MRTFB: variants seen among roughly 807,000 people sequenced by gnomAD.
The protein encoded by MRTFB is myocardin related transcription factor B.
Under a neutral mutation model 104.2 loss-of-function variants are expected in MRTFB, and 29 were observed. The observed-to-expected ratio is 0.28, with a 90% CI of 0.21 to 0.38. The LOEUF is 0.38. Ranked by LOEUF, MRTFB falls within the 10% of genes least tolerant of loss-of-function variation. The probability of loss-of-function intolerance (pLI) is 1.00; values close to 1 mark genes in which losing one functional copy is unlikely to be tolerated. For synonymous variants in MRTFB, 535 were observed against 519.5 expected (o/e 1.03, Z -0.41); for missense variants, 1,270 against 1,341.6 (o/e 0.95, Z 0.83).
chr16:13,995,698 A>G, the MRTFB span, among the ~76,000 whole-genome samples: 1 of 152,168 alleles, frequency 6.6e-6, no homozygotes. Context: ...TTACAATCAC[A>G]GCAGAAGGTG....
intron 5 of MRTFB, 127 bp downstream of exon 5, chr16:14,212,536 A>T (rs2041237828): frequency 2.5e-6 from 2 of 789,130 alleles, no homozygotes; most frequent in Non-Finnish European, 4.1e-6. Flanking sequence ...TATTTTCAGG[A>T]TACATGGCAT....
chr16:14,014,821 A>G, the MRTFB span, among the ~76,000 whole-genome samples: 1 of 152,194 alleles, frequency 6.6e-6, no homozygotes, highest in South Asian at 2.1e-4. Flanking sequence ...GTGAGCTGAG[A>G]TCGTGCCACT....
intron 3 of MRTFB, among the ~76,000 whole-genome samples, chr16:14,178,650 G>A (rs1321766236): frequency 6.6e-6 from 1 of 152,184 alleles, no homozygotes; most frequent in Non-Finnish European, 1.5e-5. Context: ...TGGTGGACTA[G>A]TGTTTCACAA....
chr16:14,069,943 A>T (rs774210616), upstream of MRTFB, among the ~76,000 whole-genome samples: 1 of 152,192 alleles, frequency 6.6e-6, no homozygotes, highest in Non-Finnish European at 1.5e-5. Flanking sequence ...CACTTCCTCC[A>T]TCTGGTGAGT....
Position 14,202,260 on chromosome 16 carries a change from G to A in MRTFB, c.155-7983G>A, listed in dbSNP as rs542769872. ...GGACAATTCACAAGACATCTTCTCC[G>A]AGCCATAGAAATCTAACAGTGGTTA... On this transcript the variant is annotated intron_variant, in intron 3 of 16. Transcript: ENST00000571589. Among the ~76,000 whole-genome samples the A allele has an allele frequency of 3.9e-5, 6 of 152,164 alleles. No homozygotes were observed. The East Asian group carries it at 9.6e-4, about 24-fold the overall frequency.
At chr16:14,065,090 G>A in the MRTFB span, among the ~76,000 whole-genome samples, 1 of 152,142 alleles carries the variant, frequency 6.6e-6, no homozygotes, top group African/African-American at 2.4e-5. Flanking sequence ...CTGTCCATGA[G>A]CGTGGAATGT....
chr16:14,260,669 C>T (rs180802968), intron 16 of MRTFB, among the ~76,000 whole-genome samples: 76 of 152,244 alleles, frequency 5.0e-4, no homozygotes, highest in Admixed American at 2.0e-3. Context: ...AGTCTGCTGA[C>T]TAAATTTACA....
At chr16:14,130,539 A>G (rs367651458) in intron 2 of MRTFB, among the ~76,000 whole-genome samples, 1 of 152,226 alleles carries the variant, frequency 6.6e-6, no homozygotes, top group South Asian at 2.1e-4. Flanking sequence ...TATGTGAGTT[A>G]TAGCCCAGAC....
the MRTFB span, among the ~76,000 whole-genome samples, chr16:13,999,594 G>A: frequency 6.6e-6 from 1 of 152,174 alleles, no homozygotes; most frequent in East Asian, 1.9e-4. Context: ...AACCACTGCA[G>A]GCATTTGTGA....
chr16:14,187,207 C>G (rs1210597286), intron 3 of MRTFB, among the ~76,000 whole-genome samples: 1 of 152,170 alleles, frequency 6.6e-6, no homozygotes, highest in Non-Finnish European at 1.5e-5. Flanking sequence ...GTAGCTGTTA[C>G]TAAAGATTCA....
At chr16:14,105,578 T>A (rs374305441) in intron 2 of MRTFB, among the ~76,000 whole-genome samples, 93 of 152,184 alleles carry the variant, frequency 6.1e-4, no homozygotes, top group African/African-American at 2.0e-3. Context: ...TTAAAATTTT[T>A]TGTAAAGATA....
chr16:14,184,222 ATTT>A (rs561797213), intron 3 of MRTFB, among the ~76,000 whole-genome samples: 22 of 134,948 alleles, frequency 1.6e-4, no homozygotes, highest in African/African-American at 5.8e-4. Flanking sequence ...AAAGTATTTG[ATTT>A]TTTTTTTTTT....
At chr16:14,075,355 A>G (rs1298850765) in intron 1 of MRTFB, among the ~76,000 whole-genome samples, 2 of 152,248 alleles carry the variant, frequency 1.3e-5, no homozygotes, top group East Asian at 3.8e-4. Context: ...GCACGTCAGC[A>G]GCATCCTGGA....
intron 16 of MRTFB, among the ~76,000 whole-genome samples, chr16:14,259,689 T>C: frequency 6.6e-6 from 1 of 152,126 alleles, no homozygotes; most frequent in East Asian, 1.9e-4. Context: ...AAGTGGAGGC[T>C]GCAATGAGCT....
In MRTFB at chr16:14,107,990, C is replaced by A. The variant is rs1341068238; in HGVS notation, c.-64+28636C>A. ...TATTGGCCACCCCTGCCTTCTATTC[C>A]TATCACTGCGTCTCTACCAGGGACC... is the stretch of plus-strand genomic sequence containing the variant. On this transcript the variant is annotated intron_variant, in intron 2 of 16. Transcript: ENST00000571589. Among the ~76,000 whole-genome samples, 8 of 152,186 alleles carry A rather than the reference C, an allele frequency of 5.3e-5. No homozygotes were observed. In the East Asian group the frequency reaches 1.3e-3, roughly 26 times the overall value.
At chr16:14,200,452 A>G (rs1477196730) in intron 3 of MRTFB, 18 of 1,610,106 alleles carry the variant, frequency 1.1e-5, no homozygotes, top group Non-Finnish European at 1.4e-5. Flanking sequence ...TCAAAATCAG[A>G]CATCCAGTAG....
At chr16:14,225,327 G>A (rs1202354627) in intron 8 of MRTFB, among the ~76,000 whole-genome samples, 4 of 152,166 alleles carry the variant, frequency 2.6e-5, no homozygotes, top group Non-Finnish European at 4.4e-5. Flanking sequence ...TGGCCACACA[G>A]TATATAACAA....
At chr16:14,076,634 A>G (rs549549076) in intron 1 of MRTFB, among the ~76,000 whole-genome samples, 2 of 152,304 alleles carry the variant, frequency 1.3e-5, no homozygotes, top group South Asian at 2.1e-4. Flanking sequence ...ATTATTTTGT[A>G]TATTTGTAGG....
Position 14,240,481 on chromosome 16 carries a change from T to A in MRTFB, c.1076T>A (p.Phe359Tyr), listed in dbSNP as rs568692681. 20 of 1,614,240 alleles carry A rather than the reference T, an allele frequency of 1.2e-5. No individual in the cohort carries two copies. The South Asian group carries it at 1.8e-4, about 14-fold the overall frequency. ...TACCAGACCATCCTGCCTGCACCAT[T>A]CAAGTACGGCGGGGCCCATGCTATC... ...YNYQTILPAP[F>Y]KPLNDKNSNS... The change falls in exon 10 of 17, where the codon TTC (phenylalanine) becomes TAC (tyrosine). Residue 359 changes from phenylalanine (F) to tyrosine (Y), a missense_variant. Phe to Tyr is a conservative substitution (Grantham distance 22). This residue lies in a region of MRTFB where 1,144 missense variants were observed against 1,131.5 expected (regional missense o/e 1.01). Transcript: ENST00000571589.
Sources: allele counts gnomAD v4.1 joint callset (sites outside exome capture counted in the v4.1 genomes callset), GRCh38; gene constraint gnomAD v4.1.1; regional missense constraint gnomAD v4.1.1; transcripts MANE v1.5; gene names NCBI Gene and HGNC (gene_info 2026-07-23, HGNC 2026-07-21).